MAD1L1: variants seen among roughly 807,000 people sequenced by gnomAD.
The protein encoded by MAD1L1 is mitotic arrest deficient 1 like 1.
A neutral mutation model predicts 96.9 loss-of-function variants in MAD1L1; 95 were observed. The observed-to-expected ratio is 0.98, with a 90% CI of 0.83 to 1.16. The LOEUF (loss-of-function observed/expected upper bound fraction) is 1.16, where lower values mean the gene tolerates loss of function less well. MAD1L1 is among the 50% of genes most tolerant of loss of function. The pLI, the probability that MAD1L1 is intolerant of heterozygous loss-of-function variation, is 0.00. For missense variants in MAD1L1, 1,007 were observed against 954.4 expected, an observed-to-expected ratio of 1.06 and a Z score of -0.73; for synonymous variants, 473 against 396.6, an observed-to-expected ratio of 1.19 and a Z score of -2.29.
chr7:1,851,205 G>A (rs1414625154), intron 18 of MAD1L1, among the ~76,000 whole-genome samples: 1 of 152,170 alleles, frequency 6.6e-6, no homozygotes, highest in Non-Finnish European at 1.5e-5. Context: ...CGGGCGGCAG[G>A]AGCCCGGCCT....
chr7:1,863,377 G>A (rs935837930), intron 18 of MAD1L1, among the ~76,000 whole-genome samples: 2 of 152,258 alleles, frequency 1.3e-5, no homozygotes, highest in Non-Finnish European at 2.9e-5. Context: ...GGCAGGCCCG[G>A]GGCCAGCGGC....
rs532500722 is a variant in MAD1L1, at chr7:2,200,089, C to A, written c.986+13123G>T. ...TCCCACGCCTGCCCTCCATCCTCCA[C>A]CCCTCCCGGGGCGCACCCACGACAG... On this transcript the variant is annotated intron_variant, in intron 10 of 18. Transcript: ENST00000265854. Among the ~76,000 whole-genome samples the A allele has an allele frequency of 1.2e-4, 18 of 152,364 alleles. No homozygotes were observed. In the East Asian group the frequency reaches 3.3e-3, roughly 28 times the overall value.
chr7:2,060,530 A>G (rs898233586), intron 12 of MAD1L1, among the ~76,000 whole-genome samples: 1 of 152,190 alleles, frequency 6.6e-6, no homozygotes, highest in African/African-American at 2.4e-5. Flanking sequence ...GAGATACGCT[A>G]ATGCCAAGAT....
intron 18 of MAD1L1, among the ~76,000 whole-genome samples, chr7:1,892,480 G>A (rs747328270): frequency 6.6e-6 from 1 of 152,160 alleles, no homozygotes; most frequent in Non-Finnish European, 1.5e-5. Context: ...TCTGTATTAC[G>A]TGCTTACTGG....
intron 10 of MAD1L1, among the ~76,000 whole-genome samples, chr7:2,171,851 C>A (rs759092022): frequency 6.6e-6 from 1 of 152,216 alleles, no homozygotes; most frequent in Non-Finnish European, 1.5e-5. Context: ...ATGCAGGCTG[C>A]CAAAGGGGCC....
chr7:2,083,603 G>GT (rs1785764455), intron 11 of MAD1L1, among the ~76,000 whole-genome samples: 1 of 152,212 alleles, frequency 6.6e-6, no homozygotes, highest in South Asian at 2.1e-4. Context: ...GACTCCAGAC[G>GT]TAACAGACTG....
chr7:2,132,488 T>C (rs1788566691), intron 11 of MAD1L1, among the ~76,000 whole-genome samples: 1 of 151,952 alleles, frequency 6.6e-6, no homozygotes, highest in South Asian at 2.1e-4. Context: ...CGACTGCGTG[T>C]CCACCATCAC....
intron 10 of MAD1L1, among the ~76,000 whole-genome samples, chr7:2,189,246 T>C (rs1165406721): frequency 6.6e-6 from 1 of 152,166 alleles, no homozygotes; most frequent in Non-Finnish European, 1.5e-5. Flanking sequence ...GTACAGCCAC[T>C]GTGGAAAGCA....
chr7:1,940,640 C>A (rs1778908053), intron 16 of MAD1L1: 2 of 152,370 alleles, frequency 1.3e-5, no homozygotes, highest in Admixed American at 6.5e-5. Context: ...CTGCCCCCGT[C>A]CTAACCACGT....
intron 11 of MAD1L1, among the ~76,000 whole-genome samples, chr7:2,145,342 C>T (rs1789244404): frequency 6.6e-6 from 1 of 152,270 alleles, no homozygotes; most frequent in Non-Finnish European, 1.5e-5. Context: ...GTAAGTCCTA[C>T]ACTGAGAGTT....
At chr7:2,020,373 G>A (rs1454059180) in intron 12 of MAD1L1, among the ~76,000 whole-genome samples, 5 of 152,210 alleles carry the variant, frequency 3.3e-5, no homozygotes, top group South Asian at 2.1e-4. Flanking sequence ...ACCCGGCCCC[G>A]GCACCATGCG....
chr7:1,933,442 G>A (rs1209696575), intron 17 of MAD1L1, among the ~76,000 whole-genome samples: 1 of 152,200 alleles, frequency 6.6e-6, no homozygotes, highest in African/African-American at 2.4e-5. Flanking sequence ...GCCCACACCT[G>A]CATCTATCAA....
At chr7:2,094,607 G>T (rs544201906) in intron 11 of MAD1L1, among the ~76,000 whole-genome samples, 158 of 152,002 alleles carry the variant, frequency 1.0e-3, no homozygotes, top group Non-Finnish European at 2.0e-3. Flanking sequence ...ATCCAGACAG[G>T]GTGCTCCAGA....
At chr7:2,093,507 A>G (rs888079672) in intron 11 of MAD1L1, among the ~76,000 whole-genome samples, 1 of 152,212 alleles carries the variant, frequency 6.6e-6, no homozygotes, top group Non-Finnish European at 1.5e-5. Context: ...CTTTCTTCTC[A>G]GCTTTGCTGT....
chr7:2,049,420 A>G (rs1444448139), intron 12 of MAD1L1, among the ~76,000 whole-genome samples: 1 of 152,224 alleles, frequency 6.6e-6, no homozygotes, highest in African/African-American at 2.4e-5. Context: ...CCGACTCAGT[A>G]GGTGGCTCAT....
At chr7:1,925,684 T>C (rs1789048734) in intron 17 of MAD1L1, among the ~76,000 whole-genome samples, 1 of 152,224 alleles carries the variant, frequency 6.6e-6, no homozygotes, top group South Asian at 2.1e-4. Flanking sequence ...GGAGGCCACG[T>C]TCAAACTATG....
At position 2,020,302 on chromosome 7, in the gene MAD1L1, C is replaced by T. The variant is rs75454332; in HGVS notation, c.1219-5660G>A. Among the ~76,000 whole-genome samples the T allele has an allele frequency of 9.8e-3, 1,487 of 152,282 alleles. 25 individuals carry two copies. The highest frequency in any genetic ancestry group is 0.034 in the African/African-American group (1,402 of 41,566). On this transcript the variant is annotated intron_variant, in intron 12 of 18. Transcript: ENST00000265854. ...CTGGGCTGCCGGAAGGAGGAACTCA[C>T]GAGGCCCGAGATTGCTATCCACAGC...
chr7:1,947,411 C>G (rs1562552099), intron 16 of MAD1L1, among the ~76,000 whole-genome samples: 1 of 152,268 alleles, frequency 6.6e-6, no homozygotes, highest in Non-Finnish European at 1.5e-5. Context: ...AGTCCTTATG[C>G]ATATTTATAG....
chr7:2,063,893 G>C (rs1784768525), intron 12 of MAD1L1, among the ~76,000 whole-genome samples: 2 of 152,212 alleles, frequency 1.3e-5, no homozygotes, highest in Non-Finnish European at 2.9e-5. Context: ...CAATCCTGCA[G>C]AGGAGAAGAG....
Sources: allele counts gnomAD v4.1 joint callset (sites outside exome capture counted in the v4.1 genomes callset), GRCh38; gene constraint gnomAD v4.1.1; transcripts MANE v1.5; gene names NCBI Gene and HGNC (gene_info 2026-07-23, HGNC 2026-07-21).